PDE4B: variants seen among roughly 807,000 people sequenced by gnomAD.
PDE4B encodes the protein 3',5'-cyclic-AMP phosphodiesterase 4B.
PDE4B carries 20 observed loss-of-function variants against 82.2 expected under a neutral mutation model. That is an observed-to-expected ratio of 0.24 (90% CI 0.17 to 0.35). PDE4B has a LOEUF of 0.35. PDE4B is among the 10% of genes least tolerant of loss of function. The pLI is 1.00. For synonymous variants in PDE4B, 320 were observed against 318.9 expected, an observed-to-expected ratio of 1.00 and a Z score of -0.04; for missense variants, 655 against 907.2, an observed-to-expected ratio of 0.72 and a Z score of 3.57.
At chr1:66,185,786 G>A (rs1033747662) in intron 3 of PDE4B, among the ~76,000 whole-genome samples, 8 of 151,644 alleles carry the variant, frequency 5.3e-5, no homozygotes, top group African/African-American at 1.7e-4. Context: ...TCTGTAGGTT[G>A]CCTTTTCATT....
chr1:65,986,885 G>A (rs957780270), intron 3 of PDE4B, among the ~76,000 whole-genome samples: 1 of 152,152 alleles, frequency 6.6e-6, no homozygotes, highest in Non-Finnish European at 1.5e-5. Flanking sequence ...GATTATGGGG[G>A]ACTTCATGAA....
intron 7 of PDE4B, among the ~76,000 whole-genome samples, chr1:66,312,970 C>T (rs990066398): frequency 6.6e-6 from 1 of 152,212 alleles, no homozygotes; most frequent in Non-Finnish European, 1.5e-5. Flanking sequence ...TCACTCACAA[C>T]CTTGTGGATA....
chr1:65,816,624 T>C (rs965063689), intron 1 of PDE4B, among the ~76,000 whole-genome samples: 2 of 152,202 alleles, frequency 1.3e-5, no homozygotes, highest in Admixed American at 6.5e-5. Flanking sequence ...AGTCAAGCAC[T>C]ATTTATAATG....
At chr1:66,291,065 G>A (rs573937845) in intron 7 of PDE4B, among the ~76,000 whole-genome samples, 2 of 152,110 alleles carry the variant, frequency 1.3e-5, no homozygotes, top group South Asian at 4.2e-4. Context: ...AATGAAGAAG[G>A]GATGCAAAAT....
chr1:66,349,362 A>G (rs1180654870), intron 8 of PDE4B, among the ~76,000 whole-genome samples: 1 of 152,148 alleles, frequency 6.6e-6, no homozygotes, highest in African/African-American at 2.4e-5. Flanking sequence ...ATTGATTACT[A>G]CGTTGCTGAG....
intron 3 of PDE4B, among the ~76,000 whole-genome samples, chr1:66,211,809 C>T (rs1650074218): frequency 6.6e-6 from 1 of 152,202 alleles, no homozygotes; most frequent in South Asian, 2.1e-4. Flanking sequence ...TAGAACATAG[C>T]ATTGTTGATC....
At chr1:66,022,048 C>A (rs1175296786) in intron 3 of PDE4B, among the ~76,000 whole-genome samples, 4 of 152,008 alleles carry the variant, frequency 2.6e-5, no homozygotes. Context: ...AGTTGTATTC[C>A]TAGATATTTT....
At chr1:66,305,164 G>A (rs949912232) in intron 7 of PDE4B, among the ~76,000 whole-genome samples, 1 of 152,122 alleles carries the variant, frequency 6.6e-6, no homozygotes, top group Non-Finnish European at 1.5e-5. Flanking sequence ...TGGTTGGAGG[G>A]ATAAGGAAGT....
At chr1:66,223,680 A>G (rs1651187988) in intron 3 of PDE4B, among the ~76,000 whole-genome samples, 1 of 150,564 alleles carries the variant, frequency 6.6e-6, no homozygotes, top group South Asian at 2.1e-4. Context: ...TTCTTTTTTC[A>G]TTCCCCCCCA....
chr1:66,314,714 C>T (rs571137183), intron 7 of PDE4B, among the ~76,000 whole-genome samples: 1 of 152,284 alleles, frequency 6.6e-6, no homozygotes, highest in African/African-American at 2.4e-5. Context: ...TGCCCAACCT[C>T]CACTGTGTTT....
intron 3 of PDE4B, among the ~76,000 whole-genome samples, chr1:65,932,964 A>G (rs551414300): frequency 1.1e-3 from 167 of 152,238 alleles, no homozygotes; most frequent in African/African-American, 3.9e-3. Flanking sequence ...GACACCATCA[A>G]GTGGACCAAT....
intron 1 of PDE4B, among the ~76,000 whole-genome samples, chr1:65,821,991 G>A (rs1156634105): frequency 6.6e-6 from 1 of 152,202 alleles, no homozygotes. Context: ...TGCATCCTAT[G>A]TATTGCTGGT....
intron 6 of PDE4B, among the ~76,000 whole-genome samples, chr1:66,261,379 ACACT>A (rs780924811): frequency 2.8e-4 from 42 of 152,282 alleles, no homozygotes; most frequent in Admixed American, 1.2e-3. Context: ...ACACACACAA[ACACT>A]CACACATATA....
At chr1:65,885,221 G>T (rs189318363) in intron 1 of PDE4B, among the ~76,000 whole-genome samples, 4 of 152,320 alleles carry the variant, frequency 2.6e-5, no homozygotes, top group Admixed American at 2.6e-4. Context: ...ACAGGTGCTG[G>T]AGAGGATGTG....
At chr1:65,997,158 C>A (rs1165956880) in intron 3 of PDE4B, among the ~76,000 whole-genome samples, 1 of 122,296 alleles carries the variant, frequency 8.2e-6, no homozygotes, top group Admixed American at 9.3e-5. Flanking sequence ...CCCACCCCCG[C>A]CCCCCACCCT....
intron 3 of PDE4B, among the ~76,000 whole-genome samples, chr1:66,185,343 C>T (rs1211882927): frequency 1.3e-5 from 2 of 152,158 alleles, no homozygotes; most frequent in African/African-American, 4.8e-5. Flanking sequence ...TATAACCCTT[C>T]GGGTATATAC....
intron 3 of PDE4B, among the ~76,000 whole-genome samples, chr1:65,919,556 A>T (rs1219027630): frequency 6.6e-6 from 1 of 152,216 alleles, no homozygotes; most frequent in Non-Finnish European, 1.5e-5. Flanking sequence ...GGATTGGCTT[A>T]CATATCATGG....
intron 3 of PDE4B, among the ~76,000 whole-genome samples, chr1:65,981,113 G>T (rs1276516622): frequency 6.6e-6 from 1 of 152,040 alleles, no homozygotes; most frequent in African/African-American, 2.4e-5. Context: ...CCGTTAGAAG[G>T]TAAAAAATCT....
chr1:66,285,570 C>T (rs1271481638), intron 7 of PDE4B, among the ~76,000 whole-genome samples: 1 of 152,056 alleles, frequency 6.6e-6, no homozygotes, highest in African/African-American at 2.4e-5. Context: ...TGTTTAACTC[C>T]CACTTATAAG....
Sources: gnomAD v4.1 joint callset for allele counts (sites outside exome capture counted in the v4.1 genomes callset) on GRCh38, gnomAD v4.1.1 for gene constraint, MANE v1.5 for transcripts, NCBI Gene and HGNC (gene_info 2026-07-23, HGNC 2026-07-21) for gene names.